The following TOP2B variants were observed in gnomAD, a reference collection of about 807,000 sequenced individuals.
The protein encoded by TOP2B is DNA topoisomerase II beta.
TOP2B carries 51 observed loss-of-function variants against 193.5 expected under a neutral mutation model. The observed-to-expected ratio is 0.26, with a 90% CI of 0.21 to 0.33. The LOEUF is 0.33. Ranked by LOEUF, TOP2B falls within the 10% of genes least tolerant of loss-of-function variation. TOP2B has a pLI of 1.00. For synonymous variants in TOP2B, 634 were observed against 635.7 expected (o/e 1.00, Z 0.04); for missense variants, 1,378 against 1,909.3 (o/e 0.72, Z 5.19).
At chr3:25,659,084 C>A (rs1703834678) in intron 1 of TOP2B, among the ~76,000 whole-genome samples, 1 of 152,178 alleles carries the variant, frequency 6.6e-6, no homozygotes, top group Non-Finnish European at 1.5e-5. Flanking sequence ...TAGCAACGAG[C>A]CCCTTCTTTT....
chr3:25,609,511 T>G, intron 29 of TOP2B, 57 bp downstream of exon 29: 1 of 1,553,324 alleles, frequency 6.4e-7, no homozygotes, highest in East Asian at 2.3e-5. Context: ...AATCTAGTAA[T>G]ACTCTATACA....
chr3:25,606,253 T>C (rs1702234686), intron 31 of TOP2B, 131 bp from the exon 32 acceptor site: 1 of 486,356 alleles, frequency 2.1e-6, no homozygotes, highest in Non-Finnish European at 3.6e-6. Context: ...TTTCTTTCTC[T>C]TTCTCTGTTA....
At chr3:25,637,179 A>G (rs1703127760) in intron 6 of TOP2B, 36 bp downstream of exon 6, 1 of 1,462,672 alleles carries the variant, frequency 6.8e-7, no homozygotes, top group Non-Finnish European at 9.3e-7. Context: ...ATAAAACGTT[A>G]TTTTAAAAAA....
intron 1 of TOP2B, among the ~76,000 whole-genome samples, chr3:25,662,680 C>G (rs1703952271): frequency 6.6e-6 from 1 of 152,160 alleles, no homozygotes; most frequent in Admixed American, 6.5e-5. Context: ...ATTTAATTAT[C>G]TACAAAATTA....
chr3:25,658,112 C>T (rs1388289374), intron 1 of TOP2B, among the ~76,000 whole-genome samples: 1 of 150,376 alleles, frequency 6.6e-6, no homozygotes, highest in Non-Finnish European at 1.5e-5. Context: ...CCTGTAGTCC[C>T]AGCTACTCAG....
At position 25,598,355 on chromosome 3, in the gene TOP2B, T is replaced by C; in HGVS notation, c.4833A>G (p.Ala1611=). The change falls in exon 36 of 36, where the codon GCA becomes GCG. Residue 1611 remains alanine, a synonymous_variant. Transcript: ENST00000264331. ...GRARKEVKYF[A]ESDEEEDDVD... ...CATCATCTTCTTCTTCATCAGACTC[T>C]GCAAAATATTTTACTTCTTTCCTAG... 1.2e-6 allele frequency: 2 copies of C among 1,613,312 alleles called. No individual in the cohort carries two copies. The highest frequency in any genetic ancestry group is 1.7e-6 in the Non-Finnish European group (2 of 1,179,508).
intron 32 of TOP2B, 62 bp downstream of exon 32, chr3:25,605,981 G>T: frequency 2.1e-6 from 2 of 949,796 alleles, no homozygotes; most frequent in Non-Finnish European, 1.5e-6. Flanking sequence ...TTTATTTACT[G>T]TTTTCTCTCC....
At chr3:25,617,943 G>A (rs184190202) in intron 25 of TOP2B, among the ~76,000 whole-genome samples, 6 of 152,284 alleles carry the variant, frequency 3.9e-5, no homozygotes, top group Non-Finnish European at 5.9e-5. Context: ...AGAGCTTGGT[G>A]TTTGATAAAT....
intron 1 of TOP2B, 87 bp from the exon 2 acceptor site, chr3:25,645,557 A>G: frequency 1.0e-6 from 1 of 973,300 alleles, no homozygotes; most frequent in Non-Finnish European, 1.4e-6. Flanking sequence ...TTCTTTTTTA[A>G]TGGCAAAATT....
At chr3:25,616,993 G>A (rs1231883446) in intron 25 of TOP2B, among the ~76,000 whole-genome samples, 3 of 151,824 alleles carry the variant, frequency 2.0e-5, no homozygotes, top group East Asian at 3.9e-4. Context: ...CTCCAACTCT[G>A]TATAATAGGA....
intron 4 of TOP2B, among the ~76,000 whole-genome samples, chr3:25,638,599 G>T (rs1018183324): frequency 1.3e-5 from 2 of 151,720 alleles, no homozygotes; most frequent in East Asian, 3.9e-4. Flanking sequence ...TGACAAAAAA[G>T]GCAACATACT....
At chr3:25,613,878 G>A (rs1384107037) in intron 27 of TOP2B, among the ~76,000 whole-genome samples, 1 of 152,130 alleles carries the variant, frequency 6.6e-6, no homozygotes, top group African/African-American at 2.4e-5. Context: ...CTAAGAAAGT[G>A]ACTTAACCTC....
At position 25,664,566 on chromosome 3, in the gene TOP2B, G is replaced by A. The variant is rs941559475; in HGVS notation, c.-269C>T. The A allele has an allele frequency of 9.3e-7, 1 of 1,069,572 alleles. No individual in the cohort carries two copies. The highest frequency in any genetic ancestry group is 1.7e-5 in the African/African-American group (1 of 59,314). 66.3% of individuals were successfully genotyped at this position (1,069,572 alleles called of 1,614,324 possible). On this transcript the variant is annotated 5_prime_UTR_variant, in exon 1 of 36. Coordinates refer to ENST00000264331, the MANE Select transcript of TOP2B (RefSeq NM_001330700.2). ...GCTGAGGAGAAAGCAGGGAGCGACC[G>A]GCGGCGGCCGAGCGGCGGCGTTGCC...
intron 27 of TOP2B, among the ~76,000 whole-genome samples, chr3:25,613,131 C>A (rs1184981021): frequency 1.3e-5 from 2 of 151,852 alleles, no homozygotes; most frequent in African/African-American, 2.4e-5. Context: ...TGAAAAAAAA[C>A]CTCCTAAATG....
At chr3:25,662,473 A>G (rs1027169837) in intron 1 of TOP2B, among the ~76,000 whole-genome samples, 1 of 152,238 alleles carries the variant, frequency 6.6e-6, no homozygotes, top group Non-Finnish European at 1.5e-5. Flanking sequence ...CTCTATAAAT[A>G]AAACACTAAG....
intron 2 of TOP2B, among the ~76,000 whole-genome samples, chr3:25,644,973 T>TG (rs1342012837): frequency 6.6e-6 from 1 of 150,856 alleles, no homozygotes; most frequent in Admixed American, 6.6e-5. Flanking sequence ...TTTTTTTTTT[T>TG]GTATTTTTTT....
rs111608578 is a variant in TOP2B, at chr3:25,661,477, C to A, written c.69+2752G>T. ...TGTATTCTAGTATTTCCACAAATGT[C>A]TTTGTTACAATCACTTATGATACAA... On this transcript the variant is annotated intron_variant, in intron 1 of 35. Transcript: ENST00000264331. Among the ~76,000 whole-genome samples, 725 of 152,210 alleles carry A rather than the reference C, an allele frequency of 4.8e-3. 8 individuals carry two copies. Among genetic ancestry groups the A allele is most frequent in the African/African-American group, 0.017 (689 of 41,516 alleles).
intron 2 of TOP2B, among the ~76,000 whole-genome samples, chr3:25,644,252 A>T (rs140211399): frequency 0.013 from 1,965 of 152,226 alleles, 42 homozygotes; most frequent in African/African-American, 0.043. Context: ...CCCTTTCTTC[A>T]TCTATAGAGA....
At chr3:25,639,624 CAGAT>C (rs1330808675) in intron 4 of TOP2B, among the ~76,000 whole-genome samples, 4 of 152,170 alleles carry the variant, frequency 2.6e-5, no homozygotes, top group Non-Finnish European at 5.9e-5. Flanking sequence ...TGTTTTTAAT[CAGAT>C]AGACATCCAC....
Sources: allele counts gnomAD v4.1 joint callset (sites outside exome capture counted in the v4.1 genomes callset), GRCh38; gene constraint gnomAD v4.1.1; transcripts MANE v1.5; gene names NCBI Gene and HGNC (gene_info 2026-07-23, HGNC 2026-07-21).